Variants in RELCH observed in about 807,000 individuals in gnomAD.
RELCH encodes the protein RAB11-binding protein RELCH.
A neutral mutation model predicts 150.3 loss-of-function variants in RELCH; 41 were observed. The observed-to-expected ratio is 0.27, with a 90% CI of 0.21 to 0.35. The LOEUF (loss-of-function observed/expected upper bound fraction) is 0.35, where lower values mean the gene tolerates loss of function less well. Ranked by LOEUF, RELCH falls within the 10% of genes least tolerant of loss-of-function variation. The pLI is 1.00. For synonymous variants in RELCH, 478 were observed against 531.8 expected, an observed-to-expected ratio of 0.90 and a Z score of 1.39; for missense variants, 1,092 against 1,467.8, an observed-to-expected ratio of 0.74 and a Z score of 4.18.
At chr18:62,217,443 A>C (rs2040551563) in intron 2 of RELCH, among the ~76,000 whole-genome samples, 1 of 151,968 alleles carries the variant, frequency 6.6e-6, no homozygotes, top group African/African-American at 2.4e-5. Context: ...TATGGCTTAA[A>C]CATTTAATTA....
intron 25 of RELCH, 60 bp downstream of exon 25, chr18:62,282,504 C>A: frequency 1.3e-6 from 2 of 1,505,554 alleles, no homozygotes; most frequent in South Asian, 1.2e-5. Flanking sequence ...GCTAGACACT[C>A]CTCTGAGGCC....
intron 25 of RELCH, 133 bp from the exon 26 acceptor site, chr18:62,287,218 G>T: frequency 1.6e-6 from 1 of 613,114 alleles, no homozygotes; most frequent in South Asian, 1.9e-5. Flanking sequence ...TATAAGATAT[G>T]GGTAATCTTT....
chr18:62,211,383 C>T, intron 2 of RELCH, 141 bp downstream of exon 2: 1 of 504,608 alleles, frequency 2.0e-6, no homozygotes, highest in Non-Finnish European at 3.5e-6. Flanking sequence ...TTACTAATTA[C>T]TAATTTACTG....
At chr18:62,190,071 T>C (rs2038507700) in intron 1 of RELCH, among the ~76,000 whole-genome samples, 1 of 152,242 alleles carries the variant, frequency 6.6e-6, no homozygotes, top group South Asian at 2.1e-4. Context: ...TGGTATTTGC[T>C]TTTCCTGTCT....
intron 1 of RELCH, among the ~76,000 whole-genome samples, chr18:62,210,348 T>C (rs1055300285): frequency 2.6e-5 from 4 of 152,194 alleles, no homozygotes; most frequent in Admixed American, 1.3e-4. Context: ...CCTTTTTTAT[T>C]GTTCCACATG....
intron 25 of RELCH, among the ~76,000 whole-genome samples, chr18:62,286,545 G>T (rs758851438): frequency 2.6e-5 from 4 of 152,000 alleles, no homozygotes; most frequent in Non-Finnish European, 5.9e-5. Flanking sequence ...TTGGTCAGCA[G>T]TTGATGCTTA....
chr18:62,297,760 C>CT (rs2045479722), intron 27 of RELCH, among the ~76,000 whole-genome samples: 1 of 152,190 alleles, frequency 6.6e-6, no homozygotes, highest in South Asian at 2.1e-4. Context: ...TGCACCAACT[C>CT]TGTCTTCTTT....
At position 62,258,563 on chromosome 18, in the gene RELCH, A is replaced by T; in HGVS notation, c.2089A>T (p.Ser697Cys). Residue 697 changes from serine (S) to cysteine (C), a missense_variant, in exon 15 of 29, where the codon AGT becomes TGT. Coordinates refer to ENST00000644646, the MANE Select transcript of RELCH (RefSeq NM_001346231.2). ...GGGTGATCCCTCAGAAAGAGTAGTT[A>T]GTGCTACACATCAAGTATTTTTACC... ...ALGDPSERVV[S>C]ATHQVFLPAY... 1 of 1,606,370 alleles carries T rather than the reference A, an allele frequency of 6.2e-7. No individual in the cohort carries two copies. Among genetic ancestry groups the T allele is most frequent in the Non-Finnish European group, 8.5e-7 (1 of 1,177,456 alleles).
At position 62,258,009 on chromosome 18, in the gene RELCH, C is replaced by T; in HGVS notation, c.1958C>T (p.Ala653Val). 6.2e-7 allele frequency: 1 copy of T among 1,607,460 alleles called. No individual in the cohort carries two copies. Among genetic ancestry groups the T allele is most frequent in the Non-Finnish European group, 8.5e-7 (1 of 1,176,330 alleles). Residue 653 changes from alanine to valine, a missense_variant, in exon 14 of 29, where the codon GCA (alanine) becomes GTA (valine). This residue lies in a region of RELCH where 707 missense variants were observed against 1,025.4 expected (regional missense o/e 0.69). Transcript: ENST00000644646. ...CAACAAATGTTAATGGAAGATAAGGCAGATTTGGTAAGAGAAGCTGTTATC... is the reference window on the plus strand; with the variant it reads ...CAACAAATGTTAATGGAAGATAAGGTAGATTTGGTAAGAGAAGCTGTTATC... ...MLQQMLMEDK[A>V]DLVREAVIKS...
intron 2 of RELCH, among the ~76,000 whole-genome samples, chr18:62,219,386 G>A (rs1266898939): frequency 1.1e-5 from 1 of 95,168 alleles, no homozygotes; most frequent in Non-Finnish European, 2.0e-5. Flanking sequence ...ATCTGCAATT[G>A]TTCTGTAATG....
At chr18:62,210,508 A>G (rs1182461566) in intron 1 of RELCH, among the ~76,000 whole-genome samples, 1 of 152,158 alleles carries the variant, frequency 6.6e-6, no homozygotes, top group African/African-American at 2.4e-5. Flanking sequence ...TTTTAATTTC[A>G]GATACTTGTA....
At chr18:62,195,131 T>C (rs533648604) in intron 1 of RELCH, among the ~76,000 whole-genome samples, 5 of 152,364 alleles carry the variant, frequency 3.3e-5, no homozygotes, top group African/African-American at 1.2e-4. Flanking sequence ...TTCTATTAAC[T>C]GAATAAAATT....
Position 62,187,767 on chromosome 18 carries a change from A to T in RELCH, c.262A>T (p.Thr88Ser). Residue 88 changes from threonine to serine, a missense_variant, in exon 1 of 29, where the codon ACC becomes TCC. Coordinates refer to ENST00000644646, the MANE Select transcript of RELCH (RefSeq NM_001346231.2). Reference protein sequence around the residue: ...AAVALGGTGETPARLSIDAIA... With the variant: ...AAVALGGTGESPARLSIDAIA... ...AGTGGCCCTGGGGGGCACCGGGGAGACCCCGGCCCGATTATCAATTGATGC... is the reference window on the plus strand; with the variant it reads ...AGTGGCCCTGGGGGGCACCGGGGAGTCCCCGGCCCGATTATCAATTGATGC... 6 of 1,608,664 alleles carry T rather than the reference A, an allele frequency of 3.7e-6. No individual in the cohort carries two copies. The highest frequency in any genetic ancestry group is 4.2e-6 in the Non-Finnish European group (5 of 1,177,646).
chr18:62,192,206 T>G (rs1057075376), intron 1 of RELCH, among the ~76,000 whole-genome samples: 2 of 152,240 alleles, frequency 1.3e-5, no homozygotes, highest in Non-Finnish European at 2.9e-5. Context: ...TTGAGAAATG[T>G]CCATTCGTGT....
intron 27 of RELCH, among the ~76,000 whole-genome samples, chr18:62,298,345 G>A (rs1181226026): frequency 6.6e-6 from 1 of 152,138 alleles, no homozygotes; most frequent in African/African-American, 2.4e-5. Flanking sequence ...CCATGGTGCT[G>A]TACCTAGTCT....
chr18:62,276,422 A>G (rs1259777864), intron 22 of RELCH, among the ~76,000 whole-genome samples: 1 of 152,128 alleles, frequency 6.6e-6, no homozygotes, highest in Non-Finnish European at 1.5e-5. Flanking sequence ...GAACATAATA[A>G]GTGCTTATAT....
At chr18:62,299,397 T>G (rs535060939) in intron 28 of RELCH, among the ~76,000 whole-genome samples, 2 of 152,318 alleles carry the variant, frequency 1.3e-5, no homozygotes, top group East Asian at 3.9e-4. Context: ...TACGTACTCT[T>G]ACTGAAATAA....
intron 16 of RELCH, among the ~76,000 whole-genome samples, 189 bp downstream of exon 16, chr18:62,261,847 GA>G (rs2043288660): frequency 6.6e-6 from 1 of 151,924 alleles, no homozygotes. Context: ...ATCTTTTATG[GA>G]TAAGCCCCAT....
chr18:62,227,943 G>T (rs905316642), intron 7 of RELCH, among the ~76,000 whole-genome samples: 1 of 151,896 alleles, frequency 6.6e-6, no homozygotes, highest in African/African-American at 2.4e-5. Context: ...AAGATATTTT[G>T]ATTTCTCCCT....
Sources: gnomAD v4.1 joint callset for allele counts (sites outside exome capture counted in the v4.1 genomes callset) on GRCh38, gnomAD v4.1.1 for gene constraint, gnomAD v4.1.1 regional missense constraint, MANE v1.5 for transcripts, NCBI Gene and HGNC (gene_info 2026-07-23, HGNC 2026-07-21) for gene names.